Variants in PRKG1 observed in about 807,000 individuals in gnomAD.
PRKG1 encodes the protein cGMP-dependent protein kinase 1.
A neutral mutation model predicts 88.1 loss-of-function variants in PRKG1; 35 were observed. The ratio of observed to expected loss-of-function variants is 0.40; its 90% CI spans 0.30 to 0.53. The LOEUF (loss-of-function observed/expected upper bound fraction) is 0.53, where lower values mean the gene tolerates loss of function less well. PRKG1 is among the 20% of genes least tolerant of loss of function. The pLI, the probability that PRKG1 is intolerant of heterozygous loss-of-function variation, is 0.59. For missense variants in PRKG1, 540 were observed against 839.8 expected, an observed-to-expected ratio of 0.64 and a Z score of 4.41; for synonymous variants, 303 against 292.5, an observed-to-expected ratio of 1.04 and a Z score of -0.37.
intron 3 of PRKG1, among the ~76,000 whole-genome samples, chr10:51,529,794 T>C (rs1841972908): frequency 6.6e-6 from 1 of 152,242 alleles, no homozygotes; most frequent in African/African-American, 2.4e-5. Context: ...ATTATGAAGA[T>C]TTAAACAGAC....
At chr10:51,650,622 A>G (rs1840016962) in intron 3 of PRKG1, among the ~76,000 whole-genome samples, 3 of 152,196 alleles carry the variant, frequency 2.0e-5, no homozygotes, top group African/African-American at 2.4e-5. Context: ...GTAACATAAC[A>G]TTTCCTAGAG....
intron 1 of PRKG1, among the ~76,000 whole-genome samples, chr10:51,037,428 C>T (rs577915553): frequency 2.6e-5 from 4 of 152,158 alleles, no homozygotes; most frequent in Non-Finnish European, 5.9e-5. Flanking sequence ...CGTGCCACTG[C>T]ACTCAGCCTG....
rs869105973 is a variant in PRKG1 at position 51,218,490 on chromosome 10, CATATATATATATATAT to C, written c.478+65186_478+65201del. Among the ~76,000 whole-genome samples the C allele has an allele frequency of 1.2e-3, 48 of 40,776 alleles. 1 individual carries two copies. Among genetic ancestry groups the C allele is most frequent in the East Asian group, 6.4e-3 (11 of 1,714 alleles). 26.8% of individuals were successfully genotyped at this position (40,776 alleles called of 152,430 possible). A position where few individuals can be genotyped will look rare whatever the true frequency, so the allele number is the denominator to read the frequency against. On this transcript the variant is annotated intron_variant, in intron 2 of 17. Coordinates refer to ENST00000373980, the MANE Select transcript of PRKG1 (RefSeq NM_006258.4). ...ACTTTCATTATAGTTCATCTATCTT[CATATATATATATATAT>C]ATATATATATATATATATATATATA... is the stretch of plus-strand genomic sequence containing the variant.
chr10:51,073,851 G>A (rs542968501), upstream of PRKG1, among the ~76,000 whole-genome samples: 1 of 152,284 alleles, frequency 6.6e-6, no homozygotes, highest in African/African-American at 2.4e-5. Context: ...TGTGTGAGGC[G>A]CTCTGGGTGG....
At chr10:52,280,159 TAAG>T (rs1157415036) in intron 12 of PRKG1, among the ~76,000 whole-genome samples, 3 of 152,138 alleles carry the variant, frequency 2.0e-5, no homozygotes, top group East Asian at 3.9e-4. Flanking sequence ...TTCCCCTTAA[TAAG>T]AATTCAGTAG....
At chr10:51,553,487 C>A (rs926771289) in intron 3 of PRKG1, among the ~76,000 whole-genome samples, 1 of 151,446 alleles carries the variant, frequency 6.6e-6, no homozygotes, top group African/African-American at 2.4e-5. Context: ...CAGTTTTAAC[C>A]AGTATCATTT....
At chr10:51,748,053 C>G (rs2132504166) in intron 3 of PRKG1, among the ~76,000 whole-genome samples, 1 of 152,282 alleles carries the variant, frequency 6.6e-6, no homozygotes, top group South Asian at 2.1e-4. Flanking sequence ...TCTACTAGTT[C>G]AAGTCCTATA....
At chr10:51,566,082 A>G (rs1837595282) in intron 3 of PRKG1, among the ~76,000 whole-genome samples, 1 of 152,158 alleles carries the variant, frequency 6.6e-6, no homozygotes, top group Non-Finnish European at 1.5e-5. Flanking sequence ...AATGATTGGT[A>G]TCACTATAAT....
intron 3 of PRKG1, among the ~76,000 whole-genome samples, chr10:51,537,459 G>T (rs1442598981): frequency 6.6e-6 from 1 of 152,122 alleles, no homozygotes; most frequent in African/African-American, 2.4e-5. Flanking sequence ...GAGGCCAGGC[G>T]TGGTGGCTCA....
chr10:51,671,046 AT>A (rs755183673), intron 3 of PRKG1, among the ~76,000 whole-genome samples: 3 of 151,650 alleles, frequency 2.0e-5, no homozygotes, highest in Non-Finnish European at 4.4e-5. Context: ...TATTTTAGAG[AT>A]TTTTTTATGG....
At chr10:51,604,248 G>T (rs1039334325) in intron 3 of PRKG1, among the ~76,000 whole-genome samples, 1 of 151,916 alleles carries the variant, frequency 6.6e-6, no homozygotes, top group Admixed American at 6.6e-5. Flanking sequence ...TCCCTTTCAA[G>T]TTCCTAGTTT....
intron 9 of PRKG1, among the ~76,000 whole-genome samples, chr10:52,183,961 C>G (rs1839116677): frequency 6.6e-6 from 1 of 152,176 alleles, no homozygotes; most frequent in African/African-American, 2.4e-5. Context: ...CTCCTGTCTC[C>G]AGGTCAATCC....
chr10:51,875,846 A>G (rs1255766512), intron 4 of PRKG1, among the ~76,000 whole-genome samples: 2 of 152,150 alleles, frequency 1.3e-5, no homozygotes, highest in South Asian at 2.1e-4. Flanking sequence ...CGTTGTGGCC[A>G]AGCATACGTA....
Position 51,347,839 on chromosome 10 carries a change from A to C in PRKG1, c.479-119884A>C, listed in dbSNP as rs1842148090. ...CACTTTGGGAGGCCGAGGCAGGCGG[A>C]ACACGAGGTCAGGAGATCGAGACCA... On this transcript the variant is annotated intron_variant, in intron 2 of 17. Transcript: ENST00000373980. Among the ~76,000 whole-genome samples, 4 of 152,216 alleles carry C rather than the reference A, an allele frequency of 2.6e-5. No homozygotes were observed. The South Asian group carries it at 8.3e-4, about 32-fold the overall frequency.
At chr10:51,873,726 G>A (rs965355917) in intron 4 of PRKG1, among the ~76,000 whole-genome samples, 4 of 151,800 alleles carry the variant, frequency 2.6e-5, no homozygotes, top group Non-Finnish European at 5.9e-5. Flanking sequence ...AACGGGTTTC[G>A]CCATGTTGGC....
At chr10:51,197,791 C>G (rs1837808429) in intron 2 of PRKG1, among the ~76,000 whole-genome samples, 1 of 151,144 alleles carries the variant, frequency 6.6e-6, no homozygotes, top group Non-Finnish European at 1.5e-5. Context: ...AGCAGCTTAG[C>G]AGGTTTAAGA....
At chr10:51,316,076 A>G (rs1841308654) in intron 2 of PRKG1, among the ~76,000 whole-genome samples, 1 of 152,228 alleles carries the variant, frequency 6.6e-6, no homozygotes, top group African/African-American at 2.4e-5. Context: ...TGACTAACAG[A>G]AGGATGGAGT....
intron 2 of PRKG1, among the ~76,000 whole-genome samples, chr10:51,243,956 G>A (rs963747845): frequency 6.6e-6 from 1 of 152,156 alleles, no homozygotes; most frequent in Non-Finnish European, 1.5e-5. Flanking sequence ...TGCTCAGAGT[G>A]TGCAGTAATT....
At chr10:51,569,967 T>C (rs1269286966) in intron 3 of PRKG1, among the ~76,000 whole-genome samples, 1 of 151,320 alleles carries the variant, frequency 6.6e-6, no homozygotes, top group African/African-American at 2.4e-5. Flanking sequence ...AGCATTTTGA[T>C]GTTCCTTTGA....
Sources: allele counts gnomAD v4.1 joint callset (sites outside exome capture counted in the v4.1 genomes callset), GRCh38; gene constraint gnomAD v4.1.1; transcripts MANE v1.5; gene names NCBI Gene and HGNC (gene_info 2026-07-23, HGNC 2026-07-21).